OPCML: variants seen among roughly 807,000 people sequenced by gnomAD.
OPCML encodes the protein opioid binding protein/cell adhesion molecule like, also known as opioid-binding protein/cell adhesion molecule.
OPCML carries 13 observed loss-of-function variants against 37.8 expected under a neutral mutation model. That is an observed-to-expected ratio of 0.34 (90% CI 0.22 to 0.55). The LOEUF is 0.55. Among genes scored for constraint, OPCML ranks in the 20% least tolerant of loss-of-function variants. OPCML has a pLI of 0.91. For missense variants in OPCML, 341 were observed against 435.6 expected (o/e 0.78, Z 1.93); for synonymous variants, 176 against 168.8 (o/e 1.04, Z -0.33).
At chr11:133,269,837 CA>C (rs1453385265) in intron 1 of OPCML, among the ~76,000 whole-genome samples, 10 of 152,070 alleles carry the variant, frequency 6.6e-5, no homozygotes, top group African/African-American at 2.4e-4. Flanking sequence ...GAGTATTGTG[CA>C]AAGGTTTGGG....
intron 3 of OPCML, among the ~76,000 whole-genome samples, chr11:132,550,482 T>C (rs2096379028): frequency 6.6e-6 from 1 of 152,164 alleles, no homozygotes; most frequent in Admixed American, 6.5e-5. Flanking sequence ...CCTTCCCCCA[T>C]GAGTAAAAGC....
intron 1 of OPCML, among the ~76,000 whole-genome samples, chr11:133,441,434 T>C (rs1321531610): frequency 2.0e-5 from 3 of 152,146 alleles, no homozygotes; most frequent in East Asian, 3.9e-4. Flanking sequence ...AGGTATAGGA[T>C]ATAACTTCAA....
chr11:133,381,231 GCCTCA>G (rs763350465), intron 1 of OPCML, among the ~76,000 whole-genome samples: 5 of 152,208 alleles, frequency 3.3e-5, no homozygotes, highest in African/African-American at 4.8e-5. Context: ...GAGGGTAGGA[GCCTCA>G]CCTCAGTAAG....
chr11:132,668,974 T>A (rs1263258011), intron 2 of OPCML, among the ~76,000 whole-genome samples: 1 of 152,146 alleles, frequency 6.6e-6, no homozygotes, highest in Non-Finnish European at 1.5e-5. Context: ...CTTTAACTTT[T>A]TATTTTGATC....
At chr11:132,601,095 G>A (rs1457309775) in intron 3 of OPCML, among the ~76,000 whole-genome samples, 1 of 152,074 alleles carries the variant, frequency 6.6e-6, no homozygotes, top group Non-Finnish European at 1.5e-5. Flanking sequence ...AAGTTGAACA[G>A]AAGAACTGAC....
chr11:132,587,711 C>G (rs1012953170), intron 3 of OPCML, among the ~76,000 whole-genome samples: 5 of 152,200 alleles, frequency 3.3e-5, no homozygotes, highest in African/African-American at 1.2e-4. Context: ...TTCCATGATT[C>G]TACCACATTC....
chr11:132,549,773 G>A (rs2096377302), intron 3 of OPCML, among the ~76,000 whole-genome samples: 1 of 152,194 alleles, frequency 6.6e-6, no homozygotes, highest in Admixed American at 6.5e-5. Context: ...AGATTAGGGT[G>A]GAGTGACCAG....
intron 1 of OPCML, among the ~76,000 whole-genome samples, chr11:133,512,284 C>T (rs536862936): frequency 5.3e-5 from 8 of 152,284 alleles, no homozygotes; most frequent in Non-Finnish European, 8.8e-5. Flanking sequence ...TTTACTAGAG[C>T]GGCTCACAAA....
At chr11:133,250,058 C>T (rs1215900726) in intron 1 of OPCML, among the ~76,000 whole-genome samples, 2 of 152,222 alleles carry the variant, frequency 1.3e-5, no homozygotes, top group Admixed American at 1.3e-4. Context: ...CCAAACTCAG[C>T]TTAAAGAATA....
chr11:132,587,082 G>T (rs1197117172), intron 3 of OPCML, among the ~76,000 whole-genome samples: 2 of 152,192 alleles, frequency 1.3e-5, no homozygotes, highest in Non-Finnish European at 2.9e-5. Context: ...AGTCCAGGCT[G>T]CAGTGCAAGC....
chr11:133,008,257 A>T (rs184055150), intron 1 of OPCML: 1 of 985,418 alleles, frequency 1.0e-6, no homozygotes, highest in East Asian at 1.1e-4. Context: ...AGAGCAAGAA[A>T]TTGGGTGAAT....
rs529091603 is a variant in OPCML at position 133,133,039 on chromosome 11, TG to T, written c.62-190030del. On this transcript the variant is annotated intron_variant, in intron 1 of 7. Coordinates refer to ENST00000524381, the MANE Select transcript of OPCML (RefSeq NM_001012393.5). ...AGAAACCAGAAAGCTTATTTCAGGT[TG>T]TTTGGTGTCTAATAACTCAGAAATT... Among the ~76,000 whole-genome samples, 144 of 152,262 alleles carry T rather than the reference TG, an allele frequency of 9.5e-4. 1 individual carries two copies. Among genetic ancestry groups the T allele is most frequent in the African/African-American group, 3.3e-3 (137 of 41,562 alleles).
intron 1 of OPCML, among the ~76,000 whole-genome samples, chr11:133,356,428 C>G (rs771355828): frequency 6.6e-6 from 1 of 152,158 alleles, no homozygotes; most frequent in Non-Finnish European, 1.5e-5. Context: ...TCACTATTGC[C>G]TCTCCACAAT....
intron 1 of OPCML, among the ~76,000 whole-genome samples, chr11:133,138,909 C>A (rs980628785): frequency 6.6e-6 from 1 of 152,170 alleles, no homozygotes; most frequent in Admixed American, 6.5e-5. Flanking sequence ...CATTCATAAA[C>A]CTAGAAAGAG....
At chr11:132,935,141 G>GAA (rs574227413) in intron 2 of OPCML, among the ~76,000 whole-genome samples, 2,325 of 90,216 alleles carry the variant, frequency 0.026, 76 homozygotes, top group African/African-American at 0.087. Flanking sequence ...TTCCATCTCA[G>GAA]AAAAAAAAAA....
At chr11:133,032,788 T>C (rs1947699006) in intron 1 of OPCML, among the ~76,000 whole-genome samples, 2 of 152,170 alleles carry the variant, frequency 1.3e-5, no homozygotes, top group South Asian at 4.1e-4. Context: ...CGACCTGGAA[T>C]TGGTACAACT....
intron 2 of OPCML, among the ~76,000 whole-genome samples, chr11:132,731,163 A>G (rs1486287612): frequency 6.6e-6 from 1 of 152,214 alleles, no homozygotes; most frequent in Non-Finnish European, 1.5e-5. Flanking sequence ...GCAAATGTTT[A>G]ATTTTAATTA....
intron 1 of OPCML, among the ~76,000 whole-genome samples, chr11:133,316,399 G>A (rs747724190): frequency 6.6e-6 from 1 of 152,154 alleles, no homozygotes; most frequent in Non-Finnish European, 1.5e-5. Flanking sequence ...AATACCACAT[G>A]TCCTCACTCA....
chr11:132,765,063 T>G (rs1248417860), intron 2 of OPCML, among the ~76,000 whole-genome samples: 4 of 151,810 alleles, frequency 2.6e-5, no homozygotes, highest in African/African-American at 4.8e-5. Context: ...AGCGTTCGTT[T>G]TGCTGACCCA....
Sources: gnomAD v4.1 joint callset for allele counts (sites outside exome capture counted in the v4.1 genomes callset) on GRCh38, gnomAD v4.1.1 for gene constraint, MANE v1.5 for transcripts, NCBI Gene and HGNC (gene_info 2026-07-23, HGNC 2026-07-21) for gene names.